Variants in STIM2 observed in about 807,000 individuals in gnomAD.
The protein encoded by STIM2 is stromal interaction molecule 2.
A neutral mutation model predicts 85.8 loss-of-function variants in STIM2; 31 were observed. The ratio of observed to expected loss-of-function variants is 0.36; its 90% CI spans 0.27 to 0.49. STIM2 has a LOEUF of 0.49. Ranked by LOEUF, STIM2 falls within the 20% of genes least tolerant of loss-of-function variation. STIM2 has a pLI of 0.98. For synonymous variants in STIM2, 356 were observed against 331.1 expected (o/e 1.08, Z -0.82); for missense variants, 841 against 927.6 (o/e 0.91, Z 1.21).
intron 8 of STIM2, 81 bp downstream of exon 8, chr4:27,007,781 G>A: frequency 7.2e-7 from 1 of 1,382,848 alleles, no homozygotes; most frequent in Non-Finnish European, 9.6e-7. Flanking sequence ...GGGATACACA[G>A]ATCTGAATAA....
At chr4:26,893,314 CTG>C (rs1334853840) in intron 1 of STIM2, among the ~76,000 whole-genome samples, 2 of 152,296 alleles carry the variant, frequency 1.3e-5, no homozygotes, top group East Asian at 3.9e-4. Context: ...GTCATTATTT[CTG>C]TCATGATACT....
chr4:26,992,139 A>C (rs1727789325), intron 3 of STIM2, among the ~76,000 whole-genome samples: 1 of 152,152 alleles, frequency 6.6e-6, no homozygotes, highest in Non-Finnish European at 1.5e-5. Context: ...AAAGCTATTG[A>C]AATTTAGAAA....
intron 1 of STIM2, among the ~76,000 whole-genome samples, chr4:26,864,441 G>T (rs1225597543): frequency 6.6e-6 from 1 of 151,986 alleles, no homozygotes; most frequent in Non-Finnish European, 1.5e-5. Context: ...GGGAGTGACC[G>T]ATCTCATCCA....
At position 26,957,676 on chromosome 4, in the gene STIM2, A is replaced by T; in HGVS notation, c.347A>T (p.Asp116Val). 1 of 1,597,372 alleles carries T rather than the reference A, an allele frequency of 6.3e-7. No individual in the cohort carries two copies. The highest frequency in any genetic ancestry group is 8.5e-7 in the Non-Finnish European group (1 of 1,174,696). Reference sequence around the variant, plus strand: ...AAACACAGCCATCTGCACAGAGAAGATAAACATATAACGATTGAGGATTTA... The same window carrying T: ...AAACACAGCCATCTGCACAGAGAAGTTAAACATATAACGATTGAGGATTTA... The change falls in exon 3 of 12, where the codon GAT becomes GTT. Residue 116 changes from aspartate (D) to valine (V), a missense_variant. By Grantham distance (152) the Asp-to-Val change is radical. Coordinates refer to ENST00000467087, the MANE Select transcript of STIM2 (RefSeq NM_020860.4).
chr4:27,019,567 C>G, intron 11 of STIM2: 2 of 1,062,852 alleles, frequency 1.9e-6, no homozygotes, highest in South Asian at 1.3e-5. Flanking sequence ...ATAGCTAGCT[C>G]TCATAAATAA....
At chr4:27,011,019 C>T (rs973096835) in intron 10 of STIM2, among the ~76,000 whole-genome samples, 2 of 152,056 alleles carry the variant, frequency 1.3e-5, no homozygotes, top group Non-Finnish European at 2.9e-5. Flanking sequence ...AATAATATGC[C>T]CACCTACCAA....
rs1319509746 is a variant in STIM2, at chr4:27,003,106, T to A, written c.981+2T>A. ...TATGCAGAACAGGAATTGGAACAGG[T>A]ATTTACATTAAAAAAAAAATCACTT... On this transcript the variant is annotated splice_donor_variant, in intron 7 of 11. Transcript: ENST00000467087. LOFTEE classifies it high-confidence loss of function. 6.4e-7 allele frequency: 1 copy of A among 1,560,514 alleles called. No homozygotes were observed.
At chr4:27,006,731 A>T (rs1728372667) in intron 7 of STIM2, among the ~76,000 whole-genome samples, 1 of 152,146 alleles carries the variant, frequency 6.6e-6, no homozygotes, top group Non-Finnish European at 1.5e-5. Flanking sequence ...TGGCTCCATT[A>T]AAGGGCAGGT....
chr4:26,943,056 T>C (rs927133646), intron 2 of STIM2, among the ~76,000 whole-genome samples: 14 of 152,148 alleles, frequency 9.2e-5, no homozygotes, highest in African/African-American at 3.4e-4. Flanking sequence ...ATTATAACAA[T>C]CTTTGAGTGG....
chr4:26,882,969 C>G (rs1183842832), intron 1 of STIM2, among the ~76,000 whole-genome samples: 1 of 151,084 alleles, frequency 6.6e-6, no homozygotes. Flanking sequence ...TCCCGAGTAG[C>G]TGGGACTACA....
chr4:26,950,409 C>T (rs1267104630), intron 2 of STIM2, among the ~76,000 whole-genome samples: 1 of 152,142 alleles, frequency 6.6e-6, no homozygotes, highest in Non-Finnish European at 1.5e-5. Flanking sequence ...TTGGAAGAAG[C>T]ATTATGGCTT....
chr4:26,922,231 T>C (rs1724829218), intron 2 of STIM2, among the ~76,000 whole-genome samples: 2 of 151,942 alleles, frequency 1.3e-5, no homozygotes, highest in African/African-American at 4.8e-5. Context: ...TATTTTTATA[T>C]TTATATTTTT....
intron 1 of STIM2, chr4:26,861,594 C>G: frequency 1.9e-6 from 1 of 518,500 alleles, no homozygotes; most frequent in East Asian, 4.1e-5. Flanking sequence ...CACTGATTCC[C>G]CTCCCTTCAG....
chr4:26,862,317 G>GT (rs1722245229), intron 1 of STIM2, among the ~76,000 whole-genome samples: 1 of 63,068 alleles, frequency 1.6e-5, no homozygotes, highest in African/African-American at 5.7e-5. Context: ...CTAAAATAAT[G>GT]GTTTTTTTTT....
intron 2 of STIM2, among the ~76,000 whole-genome samples, chr4:26,921,821 T>G (rs959403536): frequency 6.6e-6 from 1 of 152,226 alleles, no homozygotes; most frequent in African/African-American, 2.4e-5. Context: ...TTCTAATTGC[T>G]TATTAGGTCA....
At chr4:26,867,084 G>A (rs1381710987) in intron 1 of STIM2, among the ~76,000 whole-genome samples, 2 of 151,890 alleles carry the variant, frequency 1.3e-5, no homozygotes, top group African/African-American at 4.8e-5. Flanking sequence ...TAGAAGGAGA[G>A]GTCTTGAGAA....
At chr4:26,912,476 T>C (rs1724381806) in intron 1 of STIM2, among the ~76,000 whole-genome samples, 1 of 152,220 alleles carries the variant, frequency 6.6e-6, no homozygotes, top group African/African-American at 2.4e-5. Context: ...CATATATCAA[T>C]TGACTAGGAT....
At chr4:26,931,209 G>C (rs1485625165) in intron 2 of STIM2, among the ~76,000 whole-genome samples, 2 of 152,132 alleles carry the variant, frequency 1.3e-5, no homozygotes, top group East Asian at 3.9e-4. Context: ...AGAAGGGGCA[G>C]TAATGTGGAC....
chr4:26,972,539 C>T (rs1290822893), intron 3 of STIM2, among the ~76,000 whole-genome samples: 2 of 152,004 alleles, frequency 1.3e-5, no homozygotes, highest in African/African-American at 2.4e-5. Context: ...TGCTGGATTA[C>T]GTTCATTGAT....
Sources: gnomAD v4.1 joint callset for allele counts (sites outside exome capture counted in the v4.1 genomes callset) on GRCh38, gnomAD v4.1.1 for gene constraint, MANE v1.5 for transcripts, NCBI Gene and HGNC (gene_info 2026-07-23, HGNC 2026-07-21) for gene names.